SCFD2: variants seen among roughly 807,000 people sequenced by gnomAD.
SCFD2 encodes the protein sec1 family domain containing 2, also known as sec1 family domain-containing protein 2.
A neutral mutation model predicts 58.9 loss-of-function variants in SCFD2; 54 were observed. The ratio of observed to expected loss-of-function variants is 0.92; its 90% CI spans 0.74 to 1.15. The LOEUF (loss-of-function observed/expected upper bound fraction) is 1.15. SCFD2 is among the 50% of genes most tolerant of loss of function. SCFD2 has a pLI of 0.00. For synonymous variants in SCFD2, 321 were observed against 335.9 expected (o/e 0.96, Z 0.49); for missense variants, 805 against 836.6 (o/e 0.96, Z 0.47).
At chr4:52,959,329 C>T (rs1720790672) in intron 5 of SCFD2, among the ~76,000 whole-genome samples, 1 of 152,082 alleles carries the variant, frequency 6.6e-6, no homozygotes, top group Non-Finnish European at 1.5e-5. Context: ...GTATGGGCTG[C>T]TCTACCCAGA....
At chr4:52,931,547 G>A (rs918548149) in intron 5 of SCFD2, among the ~76,000 whole-genome samples, 3 of 152,216 alleles carry the variant, frequency 2.0e-5, no homozygotes, top group African/African-American at 7.2e-5. Flanking sequence ...GGAGTGCAGG[G>A]TGCTGCAAAA....
chr4:53,099,099 A>C (rs2148873588), intron 5 of SCFD2, among the ~76,000 whole-genome samples: 1 of 152,256 alleles, frequency 6.6e-6, no homozygotes, highest in Non-Finnish European at 1.5e-5. Context: ...GTATTCAAAA[A>C]CTGTTTGTTA....
In SCFD2 at chr4:52,970,972, A is replaced by C. The variant is rs755219316; in HGVS notation, c.1562-50102T>G. Among the ~76,000 whole-genome samples the C allele has an allele frequency of 6.6e-5, 10 of 152,308 alleles. No homozygotes were observed. The East Asian group carries it at 9.6e-4, about 15-fold the overall frequency. On this transcript the variant is annotated intron_variant, in intron 5 of 8. Coordinates refer to ENST00000401642, the MANE Select transcript of SCFD2 (RefSeq NM_152540.4). ...GCTGAGGGTCCTGACTGTTAGAAGGAAAACTAACAAACAGAAAGGACATCC... is the reference window on the plus strand; with the variant it reads ...GCTGAGGGTCCTGACTGTTAGAAGGCAAACTAACAAACAGAAAGGACATCC...
At chr4:53,344,415 G>C (rs1283114044) in intron 2 of SCFD2, among the ~76,000 whole-genome samples, 4 of 152,100 alleles carry the variant, frequency 2.6e-5, no homozygotes, top group Non-Finnish European at 5.9e-5. Context: ...CCTCTTCAAG[G>C]AGAACTACAA....
intron 4 of SCFD2, among the ~76,000 whole-genome samples, chr4:53,228,944 G>A (rs935161890): frequency 5.3e-5 from 8 of 152,098 alleles, no homozygotes; most frequent in Admixed American, 3.3e-4. Flanking sequence ...AAATCAATGT[G>A]CAAAAATCAC....
chr4:53,137,437 AAAAC>A (rs1725976642), intron 5 of SCFD2, among the ~76,000 whole-genome samples: 1 of 152,248 alleles, frequency 6.6e-6, no homozygotes, highest in African/African-American at 2.4e-5. Flanking sequence ...CTTGCTTAGA[AAAAC>A]AAACCCCAGT....
At chr4:53,063,240 A>T (rs1246697017) in intron 5 of SCFD2, among the ~76,000 whole-genome samples, 2 of 152,156 alleles carry the variant, frequency 1.3e-5, no homozygotes, top group Non-Finnish European at 2.9e-5. Context: ...ATTTACAAAC[A>T]GTGATCTTAG....
At chr4:53,315,246 C>G (rs983481504) in intron 2 of SCFD2, among the ~76,000 whole-genome samples, 2 of 79,588 alleles carry the variant, frequency 2.5e-5, no homozygotes, top group Non-Finnish European at 2.5e-5. Context: ...AGGAAAATGG[C>G]AAAAAAAAAA....
At chr4:53,274,131 C>T in intron 3 of SCFD2, 130 bp from the exon 4 acceptor site, 2 of 691,462 alleles carry the variant, frequency 2.9e-6, no homozygotes, top group Non-Finnish European at 4.5e-6. Context: ...CTTTCCTAAG[C>T]TATTGTGATT....
At chr4:52,880,280 C>T (rs1718575386) in intron 8 of SCFD2, among the ~76,000 whole-genome samples, 1 of 151,036 alleles carries the variant, frequency 6.6e-6, no homozygotes, top group African/African-American at 2.4e-5. Flanking sequence ...AAGTTGTGTG[C>T]AAAACTATTT....
intron 2 of SCFD2, among the ~76,000 whole-genome samples, chr4:53,329,929 C>T (rs1257580916): frequency 6.6e-6 from 1 of 151,698 alleles, no homozygotes; most frequent in South Asian, 2.1e-4. Flanking sequence ...AACCAAGGCT[C>T]GAGAACTACA....
chr4:53,178,899 A>C (rs1727441297), intron 4 of SCFD2, among the ~76,000 whole-genome samples: 1 of 152,230 alleles, frequency 6.6e-6, no homozygotes, highest in African/African-American at 2.4e-5. Flanking sequence ...ACAGGGTATC[A>C]GTGATGGAAG....
At chr4:53,126,786 C>G (rs1577752367) in intron 5 of SCFD2, among the ~76,000 whole-genome samples, 1 of 152,098 alleles carries the variant, frequency 6.6e-6, no homozygotes. Context: ...CGAGAACCAC[C>G]GTCTCGGCAG....
At chr4:53,256,879 G>GGGGAGA (rs1376244768) in intron 4 of SCFD2, among the ~76,000 whole-genome samples, 2 of 140,442 alleles carry the variant, frequency 1.4e-5, no homozygotes, top group Non-Finnish European at 1.6e-5. Flanking sequence ...GGGAGACCGT[G>GGGGAGA]GGGAGAGGGA....
rs542008555 is a variant in SCFD2, at chr4:53,298,268, G to T, written c.1135+15368C>A. On this transcript the variant is annotated intron_variant, in intron 3 of 8. Coordinates refer to ENST00000401642, the MANE Select transcript of SCFD2 (RefSeq NM_152540.4). ...ACCCTAATACTGTGCTTTTCCAATGGGCTTATCAAACAGCACACCAGGAGA... is the reference window on the plus strand; with the variant it reads ...ACCCTAATACTGTGCTTTTCCAATGTGCTTATCAAACAGCACACCAGGAGA... Among the ~76,000 whole-genome samples, 18 of 152,258 alleles carry T rather than the reference G, an allele frequency of 1.2e-4. No homozygotes were observed. The East Asian group carries it at 3.5e-3, about 29-fold the overall frequency.
At chr4:53,219,486 A>T (rs976330615) in intron 4 of SCFD2, among the ~76,000 whole-genome samples, 7 of 152,166 alleles carry the variant, frequency 4.6e-5, no homozygotes, top group Non-Finnish European at 1.0e-4. Flanking sequence ...CCGTTGGAAA[A>T]GCACAGTATT....
intron 4 of SCFD2, among the ~76,000 whole-genome samples, chr4:53,181,229 T>C (rs1398370930): frequency 6.6e-6 from 1 of 152,180 alleles, no homozygotes; most frequent in Admixed American, 6.5e-5. Context: ...ACCAATATCC[T>C]TGATGAACAT....
chr4:53,100,715 T>G (rs1213827568), intron 5 of SCFD2, among the ~76,000 whole-genome samples: 1 of 152,188 alleles, frequency 6.6e-6, no homozygotes, highest in Non-Finnish European at 1.5e-5. Flanking sequence ...TGTTCAAGAT[T>G]ACAGAAACTG....
intron 5 of SCFD2, among the ~76,000 whole-genome samples, chr4:52,970,465 C>T (rs987628216): frequency 5.3e-5 from 8 of 152,260 alleles, no homozygotes; most frequent in South Asian, 2.1e-4. Context: ...CAGCGAGGCT[C>T]GGGGAGGGGC....
Sources: gnomAD v4.1 joint callset for allele counts (sites outside exome capture counted in the v4.1 genomes callset) on GRCh38, gnomAD v4.1.1 for gene constraint, MANE v1.5 for transcripts, NCBI Gene and HGNC (gene_info 2026-07-23, HGNC 2026-07-21) for gene names.